The following MEGF10 variants were observed in gnomAD, a reference collection of about 807,000 sequenced individuals.
MEGF10 encodes multiple epidermal growth factor-like domains protein 10.
A neutral mutation model predicts 147.5 loss-of-function variants in MEGF10; 86 were observed. The observed-to-expected ratio is 0.58, with a 90% confidence interval of 0.49 to 0.70. The LOEUF is 0.70. MEGF10 is among the 30% of genes least tolerant of loss of function. The pLI is 0.00. For synonymous variants in MEGF10, 478 were observed against 525.5 expected, an observed-to-expected ratio of 0.91 and a Z score of 1.24; for missense variants, 1,329 against 1,487.3, an observed-to-expected ratio of 0.89 and a Z score of 1.75.
chr5:127,445,320 C>A (rs762975152), intron 19 of MEGF10, 137 bp from the exon 20 acceptor site: 3 of 699,724 alleles, frequency 4.3e-6, no homozygotes, highest in Non-Finnish European at 7.5e-6. Flanking sequence ...GCTTTTTCTT[C>A]CTGCTCTGTT....
At chr5:127,235,731 G>A in the MEGF10 span, among the ~76,000 whole-genome samples, 1 of 152,140 alleles carries the variant, frequency 6.6e-6, no homozygotes, top group African/African-American at 2.4e-5. Flanking sequence ...ATGGAAATCT[G>A]TCTCCATACA....
intron 1 of MEGF10, among the ~76,000 whole-genome samples, chr5:127,322,144 G>T (rs1009610194): frequency 1.3e-5 from 2 of 149,914 alleles, no homozygotes; most frequent in African/African-American, 4.9e-5. Context: ...TTTTCCTCCT[G>T]GGTTGATCAT....
intron 10 of MEGF10, 150 bp downstream of exon 10, chr5:127,417,962 C>A: frequency 2.5e-6 from 2 of 799,170 alleles, no homozygotes; most frequent in Non-Finnish European, 3.8e-6. Context: ...GGGAAAAATG[C>A]TAATAGAGAT....
chr5:127,398,594 T>A (rs1172965554), intron 6 of MEGF10, 82 bp from the exon 7 acceptor site: 1 of 1,528,272 alleles, frequency 6.5e-7, no homozygotes, highest in Non-Finnish European at 9.0e-7. Flanking sequence ...GCTTGTCTAT[T>A]TTGGGGACCC....
chr5:127,297,440 TAAAAAA>T (rs1000374127), intron 1 of MEGF10, among the ~76,000 whole-genome samples: 1 of 147,976 alleles, frequency 6.8e-6, no homozygotes, highest in African/African-American at 2.5e-5. Flanking sequence ...CCTCAACAAT[TAAAAAA>T]AAAACAACAA....
At chr5:127,322,360 A>G (rs1440473049) in intron 1 of MEGF10, among the ~76,000 whole-genome samples, 1 of 151,990 alleles carries the variant, frequency 6.6e-6, no homozygotes, top group Non-Finnish European at 1.5e-5. Context: ...CTGAGCACTC[A>G]CTTTCTCCTG....
the MEGF10 span, among the ~76,000 whole-genome samples, chr5:127,235,047 T>C: frequency 3.3e-5 from 5 of 152,134 alleles, no homozygotes; most frequent in Non-Finnish European, 5.9e-5. Context: ...GGTTTTACCA[T>C]GTTGGCCAGA....
intron 5 of MEGF10, among the ~76,000 whole-genome samples, chr5:127,392,700 T>C (rs954497893): frequency 4.6e-5 from 7 of 152,198 alleles, no homozygotes; most frequent in African/African-American, 1.7e-4. Flanking sequence ...CTGGGGTTAC[T>C]GGGGTATTGG....
In MEGF10 at chr5:127,445,207, C is replaced by T. The variant is rs148949576; in HGVS notation, c.2492-250C>T. 1.4e-3 allele frequency: 659 copies of T among 481,916 alleles called. 2 individuals are homozygous for T. The highest frequency in any genetic ancestry group is 2.2e-3 in the Admixed American group (63 of 28,394). The allele number at this position is 481,916 out of a possible 1,614,324, so 29.9% of individuals were successfully genotyped here. A position where few individuals can be genotyped will look rare whatever the true frequency, so the allele number is the denominator to read the frequency against. On this transcript the variant is annotated intron_variant, in intron 19 of 24. Transcript: ENST00000503335. ...TCAGTCTCCTGAGTAGCTGGAACTCCGGGCACGCATCACTGTGCCCAGCTT... is the reference window on the plus strand; with the variant it reads ...TCAGTCTCCTGAGTAGCTGGAACTCTGGGCACGCATCACTGTGCCCAGCTT...
At chr5:127,327,158 C>A (rs1366531655) in intron 1 of MEGF10, among the ~76,000 whole-genome samples, 2 of 152,152 alleles carry the variant, frequency 1.3e-5, no homozygotes, top group African/African-American at 4.8e-5. Flanking sequence ...GGGCTGTTTC[C>A]CTTTCTAATA....
chr5:127,284,179 A>T, the MEGF10 span, among the ~76,000 whole-genome samples: 2 of 152,198 alleles, frequency 1.3e-5, no homozygotes, highest in African/African-American at 4.8e-5. Flanking sequence ...AGCATAAAAA[A>T]TATCTAGGAC....
chr5:127,320,514 A>C (rs1760747950), intron 1 of MEGF10, among the ~76,000 whole-genome samples: 1 of 152,190 alleles, frequency 6.6e-6, no homozygotes, highest in African/African-American at 2.4e-5. Context: ...CACTTTATCT[A>C]CTGAAACAAA....
Position 127,445,482 on chromosome 5 carries a change from G to A in MEGF10, c.2517G>A (p.Leu839=). 6.2e-7 allele frequency: 1 copy of A among 1,614,040 alleles called. No homozygotes were observed. Among genetic ancestry groups the A allele is most frequent in the Non-Finnish European group, 8.5e-7 (1 of 1,179,974 alleles). ...DQAGVIIVGN[L]NSLSRTSTAL... ...CTGGTGTTATCATAGTTGGAAATCT[G>A]AACAGCTTAAGCCGAACCAGTACTG... Residue 839 remains leucine (L), a synonymous_variant, in exon 20 of 25, where the codon CTG becomes CTA. Coordinates refer to ENST00000503335, the MANE Select transcript of MEGF10 (RefSeq NM_001256545.2).
At chr5:127,312,448 T>A (rs1432733544) in intron 1 of MEGF10, among the ~76,000 whole-genome samples, 2 of 152,176 alleles carry the variant, frequency 1.3e-5, no homozygotes, top group African/African-American at 4.8e-5. Context: ...CCTGAAGAAC[T>A]GTCTCTATTT....
At chr5:127,287,359 AACT>A (rs1474734332), upstream of MEGF10, among the ~76,000 whole-genome samples, 4 of 151,990 alleles carry the variant, frequency 2.6e-5, no homozygotes, top group African/African-American at 9.7e-5. Context: ...GAAAAAGAAA[AACT>A]ACTAGAACGA....
At chr5:127,429,127 C>T (rs1259021809) in intron 13 of MEGF10, among the ~76,000 whole-genome samples, 1 of 152,216 alleles carries the variant, frequency 6.6e-6, no homozygotes, top group Non-Finnish European at 1.5e-5. Flanking sequence ...CCCCTTCCCA[C>T]GTTGCCCCTT....
chr5:127,255,145 T>G, the MEGF10 span, among the ~76,000 whole-genome samples: 1 of 151,914 alleles, frequency 6.6e-6, no homozygotes. Flanking sequence ...GCAGGACTGG[T>G]TGAATCATGA....
intron 2 of MEGF10, among the ~76,000 whole-genome samples, chr5:127,334,959 T>C (rs191317341): frequency 2.0e-5 from 3 of 152,318 alleles, no homozygotes; most frequent in Admixed American, 6.5e-5. Flanking sequence ...AATGTCTTCC[T>C]CCCCTTATTC....
the MEGF10 span, among the ~76,000 whole-genome samples, chr5:127,230,919 G>A: frequency 3.3e-4 from 50 of 152,236 alleles, no homozygotes; most frequent in African/African-American, 1.2e-3. Flanking sequence ...TTTCAAAGTT[G>A]AAGAGGCAAA....
Sources: gnomAD v4.1 joint callset for allele counts (sites outside exome capture counted in the v4.1 genomes callset) on GRCh38, gnomAD v4.1.1 for gene constraint, MANE v1.5 for transcripts, NCBI Gene and HGNC (gene_info 2026-07-23, HGNC 2026-07-21) for gene names.